The following NME7 variants were observed in gnomAD, a reference collection of about 807,000 sequenced individuals.
The protein encoded by NME7 is nucleoside diphosphate kinase 7.
In NME7, 41 loss-of-function variants were observed where a neutral mutation model predicts 49.1. That is an observed-to-expected ratio of 0.83 (90% CI 0.65 to 1.08). The LOEUF is 1.08. Among genes scored for constraint, NME7 ranks in the 50% least tolerant of loss-of-function variants. The pLI is 0.00. For missense variants in NME7, 423 were observed against 463.4 expected, an observed-to-expected ratio of 0.91 and a Z score of 0.80; for synonymous variants, 139 against 150.6, an observed-to-expected ratio of 0.92 and a Z score of 0.56.
In NME7 at chr1:169,274,040, C is replaced by G. The variant is rs544921898; in HGVS notation, c.754+13263G>C. 2.3e-5 allele frequency among the ~76,000 whole-genome samples: 3 copies of G among 131,200 alleles called. 1 individual carries two copies. The highest frequency in any genetic ancestry group is 5.4e-5 in the Non-Finnish European group (3 of 55,954). The allele number at this position is 131,200 out of a possible 152,430, so 86.1% of individuals were successfully genotyped here. Reference sequence around the variant, plus strand: ...GTTCTAGATCCCTGAGGAATCGCCACACTGACTTCCACAATGGTTGAACTA... The same window carrying G: ...GTTCTAGATCCCTGAGGAATCGCCAGACTGACTTCCACAATGGTTGAACTA... On this transcript the variant is annotated intron_variant, in intron 7 of 11. Transcript: ENST00000367811.
intron 10 of NME7, among the ~76,000 whole-genome samples, chr1:169,173,552 TA>T (rs1659664166): frequency 6.6e-6 from 1 of 152,088 alleles, no homozygotes; most frequent in Non-Finnish European, 1.5e-5. Context: ...AGATCCTCTT[TA>T]AAAAAGGTAT....
chr1:169,343,324 T>G (rs946254713), intron 1 of NME7, among the ~76,000 whole-genome samples: 2 of 152,074 alleles, frequency 1.3e-5, no homozygotes, highest in Admixed American at 1.3e-4. Flanking sequence ...TCTTTCTACA[T>G]GTAGATATAT....
Position 169,269,220 on chromosome 1 carries a change from C to T in NME7, c.754+18083G>A, listed in dbSNP as rs1277887380. Among the ~76,000 whole-genome samples, 3 of 133,190 alleles carry T rather than the reference C, an allele frequency of 2.3e-5. 1 individual carries two copies. Among genetic ancestry groups the T allele is most frequent in the Non-Finnish European group, 1.8e-5 (1 of 56,828 alleles). 87.4% of individuals were successfully genotyped at this position (133,190 alleles called of 152,430 possible). On this transcript the variant is annotated intron_variant, in intron 7 of 11. Coordinates refer to ENST00000367811, the MANE Select transcript of NME7 (RefSeq NM_013330.5). Reference sequence around the variant, plus strand: ...CAGATCCTTAGGATATTTTCACTGTCTATAATTTTATGTTTCAAAAATGTA... The same window carrying T: ...CAGATCCTTAGGATATTTTCACTGTTTATAATTTTATGTTTCAAAAATGTA...
chr1:169,353,226 C>A (rs1042961445), intron 1 of NME7, among the ~76,000 whole-genome samples: 1 of 151,844 alleles, frequency 6.6e-6, no homozygotes, highest in Non-Finnish European at 1.5e-5. Context: ...AATAGAGAAC[C>A]CTGAAACAAA....
chr1:169,213,036 C>G (rs1273864768), intron 10 of NME7, among the ~76,000 whole-genome samples: 1 of 152,052 alleles, frequency 6.6e-6, no homozygotes, highest in East Asian at 1.9e-4. Context: ...TGCCGAAGAG[C>G]TGTCAAGAGT....
At chr1:169,190,750 T>C (rs1322710684) in intron 10 of NME7, 2 of 372,602 alleles carry the variant, frequency 5.4e-6, no homozygotes, top group Non-Finnish European at 1.0e-5. Flanking sequence ...TGACTCATAC[T>C]AAAATAAATA....
At chr1:169,362,512 C>G (rs1049465063) in intron 1 of NME7, among the ~76,000 whole-genome samples, 5 of 152,152 alleles carry the variant, frequency 3.3e-5, no homozygotes, top group African/African-American at 1.2e-4. Flanking sequence ...CTATGGTTCC[C>G]TATCTCTGCT....
At chr1:169,345,183 T>C (rs1003151232) in intron 1 of NME7, among the ~76,000 whole-genome samples, 6 of 152,162 alleles carry the variant, frequency 3.9e-5, no homozygotes, top group Non-Finnish European at 7.3e-5. Flanking sequence ...ATGTCTCCTC[T>C]TTCATTCCTG....
At chr1:169,209,992 T>C (rs1277532232) in intron 10 of NME7, among the ~76,000 whole-genome samples, 1 of 152,174 alleles carries the variant, frequency 6.6e-6, no homozygotes, top group African/African-American at 2.4e-5. Flanking sequence ...GGCATAGTTG[T>C]AATATATACA....
chr1:169,182,437 G>C (rs1451484430), intron 10 of NME7, among the ~76,000 whole-genome samples: 2 of 152,072 alleles, frequency 1.3e-5, no homozygotes, highest in Non-Finnish European at 2.9e-5. Flanking sequence ...AAGTTACCTA[G>C]GCCAACAGCT....
chr1:169,358,760 A>G (rs2101986952), intron 1 of NME7, among the ~76,000 whole-genome samples: 1 of 152,238 alleles, frequency 6.6e-6, no homozygotes, highest in Admixed American at 6.5e-5. Flanking sequence ...TATGTAATGT[A>G]TAGAAATACC....
intron 9 of NME7, 147 bp from the exon 10 acceptor site, chr1:169,230,966 C>T (rs932598554): frequency 2.1e-6 from 1 of 476,486 alleles, no homozygotes; most frequent in Non-Finnish European, 3.7e-6. Context: ...TTCCCAAATT[C>T]TGTCCATTTT....
At chr1:169,279,654 C>A (rs1002163876) in intron 7 of NME7, among the ~76,000 whole-genome samples, 2 of 152,232 alleles carry the variant, frequency 1.3e-5, no homozygotes, top group Admixed American at 6.5e-5. Flanking sequence ...TGAGGCAATG[C>A]CTCGCCCTGC....
intron 7 of NME7, among the ~76,000 whole-genome samples, chr1:169,273,924 G>C (rs1362209766): frequency 3.1e-5 from 4 of 129,510 alleles, no homozygotes; most frequent in African/African-American, 7.8e-5. Context: ...ATAAACATAC[G>C]TGTGCATGTG....
chr1:169,132,942 T>TAGTTAATC (rs1553237807), intron 11 of NME7, 125 bp from the exon 12 acceptor site: 1 of 621,864 alleles, frequency 1.6e-6, no homozygotes, highest in African/African-American at 1.9e-5. Context: ...CACTAAAAGT[T>TAGTTAATC]AATCAATCAA....
intron 11 of NME7, among the ~76,000 whole-genome samples, chr1:169,162,782 T>G (rs914872848): frequency 9.9e-5 from 15 of 152,136 alleles, no homozygotes; most frequent in African/African-American, 3.6e-4. Flanking sequence ...AAAGCTGCAG[T>G]GAGCCATGAT....
At chr1:169,271,913 A>G (rs1324696337) in intron 7 of NME7, among the ~76,000 whole-genome samples, 1 of 132,840 alleles carries the variant, frequency 7.5e-6, no homozygotes, top group Non-Finnish European at 1.8e-5. Context: ...TAAATTCAAT[A>G]TGAGACTTCA....
At chr1:169,145,215 C>T (rs1658714017) in intron 11 of NME7, among the ~76,000 whole-genome samples, 1 of 152,166 alleles carries the variant, frequency 6.6e-6, no homozygotes, top group South Asian at 2.1e-4. Context: ...CTGTTTTCAA[C>T]TTGCGGTTTT....
In NME7 at chr1:169,172,434, A is replaced by G. The variant is rs1183593987; in HGVS notation, c.991-2880T>C. ...TTAAAACAACACACAGTGAAACAGT[A>G]TCTCCTGTAAATTCCTGTAAGGACT... is the stretch of plus-strand genomic sequence containing the variant. On this transcript the variant is annotated intron_variant, in intron 10 of 11. Transcript: ENST00000367811. 3.9e-5 allele frequency among the ~76,000 whole-genome samples: 6 copies of G among 151,982 alleles called. No homozygotes were observed. The East Asian group carries it at 9.6e-4, about 24-fold the overall frequency.
Sources: gnomAD v4.1 joint callset for allele counts (sites outside exome capture counted in the v4.1 genomes callset) on GRCh38, gnomAD v4.1.1 for gene constraint, MANE v1.5 for transcripts, NCBI Gene and HGNC (gene_info 2026-07-23, HGNC 2026-07-21) for gene names.